OXR1: variants seen among roughly 807,000 people sequenced by gnomAD.
OXR1 encodes the protein oxidation resistance 1, also known as oxidation resistance protein 1.
In OXR1, 41 loss-of-function variants were observed where a neutral mutation model predicts 104.6. That is an observed-to-expected ratio of 0.39 (90% CI 0.31 to 0.51). OXR1 has a LOEUF of 0.51. Among genes scored for constraint, OXR1 ranks in the 20% least tolerant of loss-of-function variants. The pLI is 0.77. For synonymous variants in OXR1, 348 were observed against 348.4 expected (o/e 1.00, Z 0.01); for missense variants, 955 against 1,031.9 (o/e 0.93, Z 1.02).
At chr8:106,600,949 C>A (rs1819923329) in intron 3 of OXR1, among the ~76,000 whole-genome samples, 1 of 152,050 alleles carries the variant, frequency 6.6e-6, no homozygotes, top group South Asian at 2.1e-4. Flanking sequence ...ATCAAGAAAA[C>A]AAAAACATGG....
At chr8:106,610,443 C>A (rs746648105) in intron 3 of OXR1, among the ~76,000 whole-genome samples, 4 of 152,228 alleles carry the variant, frequency 2.6e-5, no homozygotes, top group Non-Finnish European at 5.9e-5. Context: ...TGAAGTATCT[C>A]TCTGTTACCC....
intron 1 of OXR1, among the ~76,000 whole-genome samples, chr8:106,314,539 A>G (rs1338407556): frequency 2.0e-5 from 3 of 152,238 alleles, no homozygotes; most frequent in Non-Finnish European, 2.9e-5. Context: ...TATTTACCTC[A>G]GTAACATTTA....
chr8:106,681,219 G>T (rs578167655), intron 4 of OXR1, among the ~76,000 whole-genome samples: 1 of 151,888 alleles, frequency 6.6e-6, no homozygotes, highest in Non-Finnish European at 1.5e-5. Context: ...AAAGTACTTG[G>T]TAAACTTACA....
intron 2 of OXR1, among the ~76,000 whole-genome samples, chr8:106,412,068 A>C (rs1053823406): frequency 3.9e-5 from 6 of 152,156 alleles, no homozygotes; most frequent in Non-Finnish European, 8.8e-5. Context: ...TTCTTAGTAC[A>C]TTCCTGATGC....
chr8:106,312,818 T>C (rs12543693), intron 1 of OXR1, among the ~76,000 whole-genome samples: 22,042 of 152,202 alleles, frequency 0.14, 1,979 homozygotes, highest in African/African-American at 0.25. Flanking sequence ...ACCCTATAAA[T>C]TGGCCCAACA....
chr8:106,416,582 AT>A (rs1818686683), intron 2 of OXR1, among the ~76,000 whole-genome samples: 1 of 152,014 alleles, frequency 6.6e-6, no homozygotes, highest in Admixed American at 6.6e-5. Flanking sequence ...TAAAATTTGA[AT>A]TTTCAATGAG....
At chr8:106,581,369 T>TA (rs1400596742) in intron 3 of OXR1, 4 of 526,748 alleles carry the variant, frequency 7.6e-6, no homozygotes, top group Non-Finnish European at 9.7e-6. Context: ...ATTAACCAAA[T>TA]AGAGTATTAT....
intron 2 of OXR1, among the ~76,000 whole-genome samples, chr8:106,460,338 A>G (rs948250776): frequency 3.1e-4 from 47 of 152,170 alleles, no homozygotes; most frequent in African/African-American, 7.0e-4. Context: ...AAGTGCCTTC[A>G]TCTTTTTATA....
At chr8:106,538,244 T>G (rs373871156) in intron 3 of OXR1, among the ~76,000 whole-genome samples, 3 of 152,190 alleles carry the variant, frequency 2.0e-5, no homozygotes, top group Non-Finnish European at 4.4e-5. Flanking sequence ...TTCTTGAATT[T>G]TAATATTTTT....
intron 11 of OXR1, among the ~76,000 whole-genome samples, chr8:106,727,087 T>A (rs1833417992): frequency 6.6e-6 from 1 of 152,174 alleles, no homozygotes; most frequent in African/African-American, 2.4e-5. Context: ...TAATTGTAAT[T>A]TCAAAATTCA....
intron 2 of OXR1, among the ~76,000 whole-genome samples, chr8:106,423,611 A>G (rs1818989952): frequency 6.6e-6 from 1 of 152,146 alleles, no homozygotes; most frequent in African/African-American, 2.4e-5. Flanking sequence ...TACTCAGTGG[A>G]TTTGTGCCAT....
At chr8:106,502,458 C>T (rs1044242091) in intron 2 of OXR1, among the ~76,000 whole-genome samples, 1 of 152,176 alleles carries the variant, frequency 6.6e-6, no homozygotes, top group African/African-American at 2.4e-5. Flanking sequence ...ACTTTTTAGT[C>T]TAGTGGTTCT....
intron 3 of OXR1, among the ~76,000 whole-genome samples, chr8:106,562,041 A>G (rs1403761751): frequency 2.0e-5 from 3 of 152,210 alleles, no homozygotes; most frequent in African/African-American, 7.2e-5. Context: ...AAGGCTAAAA[A>G]TTCCAAATCC....
chr8:106,506,570 C>T (rs1385567832), intron 2 of OXR1, among the ~76,000 whole-genome samples: 3 of 151,950 alleles, frequency 2.0e-5, no homozygotes, highest in Non-Finnish European at 4.4e-5. Flanking sequence ...CCTATCACGC[C>T]GCAGCCCTCC....
intron 1 of OXR1, among the ~76,000 whole-genome samples, chr8:106,334,845 A>C (rs1024294790): frequency 6.6e-6 from 1 of 152,190 alleles, no homozygotes; most frequent in Non-Finnish European, 1.5e-5. Flanking sequence ...AGAAAAATGC[A>C]TATTTGATCG....
At chr8:106,679,729 G>A (rs1827961681) in intron 4 of OXR1, among the ~76,000 whole-genome samples, 1 of 151,194 alleles carries the variant, frequency 6.6e-6, no homozygotes, top group South Asian at 2.1e-4. Flanking sequence ...TTTATTTATA[G>A]CTAACTCCCT....
intron 3 of OXR1, among the ~76,000 whole-genome samples, chr8:106,636,962 T>C (rs1823193869): frequency 6.6e-6 from 1 of 152,218 alleles, no homozygotes; most frequent in Admixed American, 6.5e-5. Context: ...AGTCTCTCTC[T>C]GTTCCATCCA....
chr8:106,323,402 CA>C (rs1282006125), intron 1 of OXR1, among the ~76,000 whole-genome samples: 2 of 151,918 alleles, frequency 1.3e-5, no homozygotes, highest in African/African-American at 4.8e-5. Flanking sequence ...ATATAAAACC[CA>C]AAACCCTGGA....
chr8:106,595,294 G>C (rs1162368741), intron 3 of OXR1, among the ~76,000 whole-genome samples: 1 of 151,398 alleles, frequency 6.6e-6, no homozygotes, highest in African/African-American at 2.4e-5. Context: ...GCTCACGCCT[G>C]TAATCCCAGC....
Sources: gnomAD v4.1 joint callset for allele counts (sites outside exome capture counted in the v4.1 genomes callset) on GRCh38, gnomAD v4.1.1 for gene constraint, MANE v1.5 for transcripts, NCBI Gene and HGNC (gene_info 2026-07-23, HGNC 2026-07-21) for gene names.